The following KLF9 variants were observed in gnomAD, a reference collection of about 807,000 sequenced individuals.
The protein encoded by KLF9 is Krueppel-like factor 9.
A neutral mutation model predicts 17.3 loss-of-function variants in KLF9; 2 were observed. The observed-to-expected ratio is 0.12, with a 90% CI of 0.05 to 0.36. KLF9 has a LOEUF of 0.36. Among genes scored for constraint, KLF9 ranks in the 10% least tolerant of loss-of-function variants. The pLI is 1.00. For missense variants in KLF9, 226 were observed against 333.2 expected (o/e 0.68, Z 2.51); for synonymous variants, 138 against 139.2 (o/e 0.99, Z 0.06).
chr9:70,392,109 C>A (rs1038259752), intron 1 of KLF9, among the ~76,000 whole-genome samples: 2 of 152,174 alleles, frequency 1.3e-5, no homozygotes, highest in African/African-American at 4.8e-5. Context: ...CGCTTGAACC[C>A]GAGGGGCGGA....
intron 1 of KLF9, among the ~76,000 whole-genome samples, chr9:70,389,074 A>G (rs11142390): frequency 0.31 from 47,369 of 151,786 alleles, 9,070 homozygotes; most frequent in Non-Finnish European, 0.42. Flanking sequence ...CCAGGAAGCG[A>G]AGGTTGCAGT....
intron 1 of KLF9, among the ~76,000 whole-genome samples, chr9:70,393,564 G>C (rs759197165): frequency 6.6e-6 from 1 of 152,116 alleles, no homozygotes; most frequent in Non-Finnish European, 1.5e-5. Context: ...CCCCACCCAA[G>C]TCCAGGGATG....
At chr9:70,404,009 A>T (rs1380433997) in intron 1 of KLF9, among the ~76,000 whole-genome samples, 3 of 152,132 alleles carry the variant, frequency 2.0e-5, no homozygotes, top group East Asian at 3.9e-4. Context: ...GCAAGCATTC[A>T]TGCCCAACTC....
rs2037242003 is a variant in KLF9, at chr9:70,404,225, C to G, written c.505+8634G>C. ...ATGTTAGAAATTGTCATTATTATCA[C>G]TATTAGCCACAAAATCCAAAGTGCC... On this transcript the variant is annotated intron_variant, in intron 1 of 1. Coordinates refer to ENST00000377126, the MANE Select transcript of KLF9 (RefSeq NM_001206.4). Among the ~76,000 whole-genome samples, 3 of 152,292 alleles carry G rather than the reference C, an allele frequency of 2.0e-5. No individual in the cohort carries two copies. The South Asian group carries it at 6.2e-4, about 32-fold the overall frequency.
chr9:70,385,868 C>T lies in KLF9; in HGVS notation c.*1908G>A, dbSNP rs887876034. The T allele has an allele frequency of 6.6e-6, 1 of 152,176 alleles. No homozygotes were observed. Among genetic ancestry groups the T allele is most frequent in the Admixed American group, 6.5e-5 (1 of 15,272 alleles). 9.4% of individuals were successfully genotyped at this position (152,176 alleles called of 1,614,324 possible). On this transcript the variant is annotated 3_prime_UTR_variant, in exon 2 of 2. Transcript: ENST00000377126. ...TGAGAAAACACTTTCCTTTTTATCC[C>T]ATGGACTGCTCCCAGTCCCTAATGT...
At chr9:70,405,055 T>G (rs1429898538) in intron 1 of KLF9, among the ~76,000 whole-genome samples, 2 of 152,226 alleles carry the variant, frequency 1.3e-5, no homozygotes, top group Non-Finnish European at 2.9e-5. Context: ...TAACTGCCTG[T>G]CTTATGAAAG....
chr9:70,387,712 T>C lies in KLF9; in HGVS notation c.*64A>G. The stretch of plus-strand genomic sequence containing the variant: ...TTCTGGGGCTCAGTTTTCACGCGTC[T>C]GTTTCCTGGGAGTACTTTTCTCCTT... On this transcript the variant is annotated 3_prime_UTR_variant, in exon 2 of 2. Transcript: ENST00000377126. 5 of 1,437,054 alleles carry C rather than the reference T, an allele frequency of 3.5e-6. No individual in the cohort carries two copies. In the Admixed American group the frequency reaches 8.4e-5, roughly 24 times the overall value. 89.0% of individuals were successfully genotyped at this position (1,437,054 alleles called of 1,614,324 possible).
At chr9:70,412,805 T>G in intron 1 of KLF9, 54 bp downstream of exon 1, 1 of 1,511,892 alleles carries the variant, frequency 6.6e-7, no homozygotes, top group Non-Finnish European at 8.9e-7. Flanking sequence ...GAACGCTGCC[T>G]GGCCAAAGGT....
chr9:70,388,137 C>A (rs1376218058), intron 1 of KLF9, 132 bp from the exon 2 acceptor site: 3 of 723,362 alleles, frequency 4.1e-6, no homozygotes, highest in Non-Finnish European at 6.9e-6. Context: ...TCCCCCTCCC[C>A]AAAATCCCTA....
In KLF9 at chr9:70,394,937, C is replaced by A. The variant is rs1050377017; in HGVS notation, c.506-6932G>T. On this transcript the variant is annotated intron_variant, in intron 1 of 1. Transcript: ENST00000377126. ...TACAAATTCATCTACGGAATTAACA[C>A]ACACCGTAAGAATTTCTTTTTCTAG... is the stretch of plus-strand genomic sequence containing the variant. Among the ~76,000 whole-genome samples, 3 of 152,320 alleles carry A rather than the reference C, an allele frequency of 2.0e-5. No homozygotes were observed. The East Asian group carries it at 5.8e-4, about 29-fold the overall frequency.
chr9:70,393,611 C>G (rs2037165007), intron 1 of KLF9, among the ~76,000 whole-genome samples: 1 of 152,116 alleles, frequency 6.6e-6, no homozygotes, highest in African/African-American at 2.4e-5. Flanking sequence ...GTCAAAAATA[C>G]AAAATCAAAA....
At chr9:70,406,635 T>C (rs907077960) in intron 1 of KLF9, among the ~76,000 whole-genome samples, 3 of 152,236 alleles carry the variant, frequency 2.0e-5, no homozygotes, top group Non-Finnish European at 2.9e-5. Context: ...CTTTCCCTTT[T>C]TAACCATCTG....
At chr9:70,409,049 T>TAC (rs1228606315) in intron 1 of KLF9, among the ~76,000 whole-genome samples, 35 of 119,634 alleles carry the variant, frequency 2.9e-4, no homozygotes, top group East Asian at 1.5e-3. Context: ...TATATATATA[T>TAC]ACATATATGT....
chr9:70,401,989 G>C (rs1471733629), intron 1 of KLF9, among the ~76,000 whole-genome samples: 1 of 151,702 alleles, frequency 6.6e-6, no homozygotes, highest in Non-Finnish European at 1.5e-5. Flanking sequence ...ACTCCAGCCT[G>C]GGCAACAGAG....
In KLF9 at chr9:70,384,908, C is replaced by T. The variant is rs1341837721; in HGVS notation, c.*2868G>A. ...AATTGTAACTACCAAATAGAATTCT[C>T]AAGAGAAGCATGATGTGGAGCTAAA... On this transcript the variant is annotated 3_prime_UTR_variant, in exon 2 of 2. Coordinates refer to ENST00000377126, the MANE Select transcript of KLF9 (RefSeq NM_001206.4). The T allele has an allele frequency of 6.6e-6, 1 of 152,582 alleles. No homozygotes were observed. Among genetic ancestry groups the T allele is most frequent in the African/African-American group, 2.4e-5 (1 of 41,466 alleles). The allele number at this position is 152,582 out of a possible 1,614,324, so 9.5% of individuals were successfully genotyped here.
At chr9:70,402,214 T>G (rs923247090) in intron 1 of KLF9, among the ~76,000 whole-genome samples, 3 of 152,146 alleles carry the variant, frequency 2.0e-5, no homozygotes, top group Non-Finnish European at 4.4e-5. Context: ...AGCTGTTTGG[T>G]TGTCATTCTG....
At position 70,385,479 on chromosome 9, in the gene KLF9, C is replaced by A. The variant is rs1312646475; in HGVS notation, c.*2297G>T. 1 of 152,624 alleles carries A rather than the reference C, an allele frequency of 6.6e-6. No homozygotes were observed. Among genetic ancestry groups the A allele is most frequent in the East Asian group, 1.9e-4 (1 of 5,192 alleles). The allele number at this position is 152,624 out of a possible 1,614,324, so 9.5% of individuals were successfully genotyped here. A position where few individuals can be genotyped will look rare whatever the true frequency, so the allele number is the denominator to read the frequency against. ...AACAAGTTGCTGCATTTATATCCATCTAAGTGCTTGACAAAAGCCACATTT... is the reference window on the plus strand; with the variant it reads ...AACAAGTTGCTGCATTTATATCCATATAAGTGCTTGACAAAAGCCACATTT... On this transcript the variant is annotated 3_prime_UTR_variant, in exon 2 of 2. Transcript: ENST00000377126.
chr9:70,387,494 ACC>A lies in KLF9; in HGVS notation c.*280_*281del. The A allele has an allele frequency of 3.9e-6, 1 of 255,288 alleles. No homozygotes were observed. Among genetic ancestry groups the A allele is most frequent in the South Asian group, 1.2e-4 (1 of 8,458 alleles). The allele number at this position is 255,288 out of a possible 1,614,324, so 15.8% of individuals were successfully genotyped here. A position where few individuals can be genotyped will look rare whatever the true frequency, so the allele number is the denominator to read the frequency against. On this transcript the variant is annotated 3_prime_UTR_variant, in exon 2 of 2. Coordinates refer to ENST00000377126, the MANE Select transcript of KLF9 (RefSeq NM_001206.4). ...AGGAGAAAAAAAAACAAAAACAAAA[ACC>A]AAAAAACCCAAAAGCATTTGCCTTC...
chr9:70,408,032 A>G (rs1021025301), intron 1 of KLF9, among the ~76,000 whole-genome samples: 4 of 152,184 alleles, frequency 2.6e-5, no homozygotes, highest in African/African-American at 9.7e-5. Context: ...TCGCCTTCGG[A>G]ATGGGGCATA....
Sources: gnomAD v4.1 joint callset for allele counts (sites outside exome capture counted in the v4.1 genomes callset) on GRCh38, gnomAD v4.1.1 for gene constraint, MANE v1.5 for transcripts, NCBI Gene and HGNC (gene_info 2026-07-23, HGNC 2026-07-21) for gene names.